Variants in CD46 observed in about 807,000 individuals in gnomAD.
The protein encoded by CD46 is CD46 molecule.
In CD46, 30 loss-of-function variants were observed where a neutral mutation model predicts 53.3. The ratio of observed to expected loss-of-function variants is 0.56; its 90% CI spans 0.42 to 0.76. CD46 has a LOEUF of 0.76. Ranked by LOEUF, CD46 falls within the 30% of genes least tolerant of loss-of-function variation. CD46 has a pLI of 0.00. For synonymous variants in CD46, 142 were observed against 152.0 expected (o/e 0.93, Z 0.48); for missense variants, 409 against 463.0 (o/e 0.88, Z 1.07).
At chr1:207,771,170 A>T (rs183542561) in intron 8 of CD46, among the ~76,000 whole-genome samples, 1 of 152,038 alleles carries the variant, frequency 6.6e-6, no homozygotes, top group African/African-American at 2.4e-5. Flanking sequence ...GCATTTTTTC[A>T]TATGTCTGTT....
At chr1:207,792,513 C>T (rs541679205) in intron 12 of CD46, among the ~76,000 whole-genome samples, 1 of 152,264 alleles carries the variant, frequency 6.6e-6, no homozygotes, top group South Asian at 2.1e-4. Context: ...CTGGCGATGA[C>T]CTTGAGCAGT....
intron 5 of CD46, among the ~76,000 whole-genome samples, chr1:207,765,965 A>T (rs748956334): frequency 3.3e-5 from 5 of 152,234 alleles, no homozygotes; most frequent in Admixed American, 6.5e-5. Context: ...ACTCGTACTC[A>T]GCAATAAAAA....
intron 9 of CD46, 90 bp downstream of exon 9, chr1:207,783,420 C>A: frequency 1.3e-6 from 1 of 787,084 alleles, no homozygotes; most frequent in Non-Finnish European, 2.3e-6. Context: ...AACATAGGAT[C>A]CTTGGTAGGG....
chr1:207,770,400 T>C, intron 8 of CD46, 38 bp downstream of exon 8: 1 of 1,358,212 alleles, frequency 7.4e-7, no homozygotes, highest in East Asian at 2.3e-5. Flanking sequence ...TTGTTAAGAA[T>C]TTATTTATTT....
At chr1:207,793,482 T>C in intron 12 of CD46, 37 bp from the exon 13 acceptor site, 2 of 1,492,986 alleles carry the variant, frequency 1.3e-6, no homozygotes, top group South Asian at 1.1e-5. Context: ...CTTAATTATA[T>C]TTATCTTTGA....
At chr1:207,761,146 C>G in intron 4 of CD46, 103 bp from the exon 5 acceptor site, 1 of 706,604 alleles carries the variant, frequency 1.4e-6, no homozygotes, top group East Asian at 2.7e-5. Flanking sequence ...TCACAAACAG[C>G]TTGTAGAAAC....
chr1:207,770,716 T>C (rs920402432), intron 8 of CD46, among the ~76,000 whole-genome samples: 30 of 152,226 alleles, frequency 2.0e-4, no homozygotes, highest in Admixed American at 5.9e-4. Context: ...TCCATGTCCC[T>C]GCAAAGGACA....
intron 8 of CD46, among the ~76,000 whole-genome samples, chr1:207,774,174 A>G (rs976945104): frequency 1.3e-5 from 2 of 150,416 alleles, no homozygotes; most frequent in African/African-American, 4.9e-5. Context: ...TGTTGGTTTA[A>G]TGTCTGTTTT....
chr1:207,758,038 C>G (rs891482079), intron 3 of CD46, among the ~76,000 whole-genome samples: 1 of 152,164 alleles, frequency 6.6e-6, no homozygotes, highest in Non-Finnish European at 1.5e-5. Context: ...AAAGTGTTAT[C>G]AGACCAAAAC....
chr1:207,763,070 G>A (rs1251124768), intron 5 of CD46: 9 of 152,426 alleles, frequency 5.9e-5, no homozygotes, highest in Admixed American at 2.0e-4. Context: ...AGTTTGCATG[G>A]AAGAACTGGC....
intron 8 of CD46, among the ~76,000 whole-genome samples, chr1:207,770,623 A>C (rs772465244): frequency 2.6e-5 from 4 of 151,468 alleles, no homozygotes; most frequent in African/African-American, 9.7e-5. Context: ...TCGTTGTTCA[A>C]CTCCTACCTA....
chr1:207,757,759 C>A (rs1429477751), intron 3 of CD46, 117 bp downstream of exon 3: 46 of 713,006 alleles, frequency 6.5e-5, no homozygotes, highest in Admixed American at 2.0e-4. Flanking sequence ...AGTTATACTT[C>A]TAGCCAAACA....
intron 8 of CD46, among the ~76,000 whole-genome samples, chr1:207,775,438 C>T (rs1657991679): frequency 6.6e-6 from 1 of 152,208 alleles, no homozygotes; most frequent in South Asian, 2.1e-4. Flanking sequence ...AGCTGTGATC[C>T]TTTGGAGGAG....
chr1:207,763,030 A>G (rs1656414877), intron 5 of CD46: 1 of 152,448 alleles, frequency 6.6e-6, no homozygotes, highest in Non-Finnish European at 1.5e-5. Flanking sequence ...GCTAGATGAG[A>G]TATTTGAAAT....
Position 207,757,127 on chromosome 1 carries a change from AT to A in CD46, c.212del (p.Ile71AsnfsTer36). 1 of 1,613,942 alleles carries A rather than the reference AT, an allele frequency of 6.2e-7. No homozygotes were observed. ...DYKCKKGYFYIPPLATHTICD... is the reference protein window; with the variant it reads ...DYKCKKGYFYXPPLATHTICD... The stretch of plus-strand genomic sequence containing the variant: ...TAAGTGTAAAAAAGGATACTTCTAT[AT>A]ACCTCCTCTTGCCACCCATACTATT... On this transcript the variant is annotated frameshift_variant, in exon 2 of 13. Coordinates refer to ENST00000367042, the MANE Select transcript of CD46 (RefSeq NM_172351.3). LOFTEE classifies it high-confidence loss of function.
chr1:207,773,053 A>G (rs1657694828), intron 8 of CD46, among the ~76,000 whole-genome samples: 1 of 152,120 alleles, frequency 6.6e-6, no homozygotes, highest in Admixed American at 6.6e-5. Flanking sequence ...TTGGTAGGCT[A>G]TTAATTATTG....
rs1654962072 is a variant in CD46, at chr1:207,752,097, T to G, written c.-116T>G. ...ACCTGTCCTGCAGCACTGGATGCTT[T>G]GTGAGTTGGGGATTGTTGCGTCCCA... On this transcript the variant is annotated 5_prime_UTR_variant, in exon 1 of 13. Coordinates refer to ENST00000367042, the MANE Select transcript of CD46 (RefSeq NM_172351.3). The surrounding 1 kb of genome is among the most constrained non-coding windows in gnomAD (Gnocchi z 4.1). The G allele has an allele frequency of 2.0e-6, 2 of 1,000,324 alleles. No individual in the cohort carries two copies. Among genetic ancestry groups the G allele is most frequent in the Admixed American group, 3.4e-5 (2 of 59,228 alleles). 62.0% of individuals were successfully genotyped at this position (1,000,324 alleles called of 1,614,324 possible). A position where few individuals can be genotyped will look rare whatever the true frequency, so the allele number is the denominator to read the frequency against.
At chr1:207,788,386 C>T (rs1044846107) in intron 11 of CD46, among the ~76,000 whole-genome samples, 67 of 147,126 alleles carry the variant, frequency 4.6e-4, no homozygotes, top group Non-Finnish European at 8.4e-4. Flanking sequence ...AAAATAGTGG[C>T]GGGCGCCTGT....
intron 11 of CD46, among the ~76,000 whole-genome samples, chr1:207,789,915 C>CCGTA (rs1180825327): frequency 6.8e-6 from 1 of 147,782 alleles, no homozygotes; most frequent in Non-Finnish European, 1.5e-5. Flanking sequence ...GTGCTAGAGA[C>CCGTA]CGGTACCATT....
Sources: gnomAD v4.1 joint callset for allele counts (sites outside exome capture counted in the v4.1 genomes callset) on GRCh38, gnomAD v4.1.1 for gene constraint, Gnocchi (gnomAD v3.1) non-coding constraint, MANE v1.5 for transcripts, NCBI Gene and HGNC (gene_info 2026-07-23, HGNC 2026-07-21) for gene names.